Variants in TBC1D16 observed in about 807,000 individuals in gnomAD.
TBC1D16 encodes TBC1 domain family member 16.
A neutral mutation model predicts 74.7 loss-of-function variants in TBC1D16; 58 were observed. The ratio of observed to expected loss-of-function variants is 0.78; its 90% CI spans 0.63 to 0.97. The LOEUF (loss-of-function observed/expected upper bound fraction) is 0.97, where lower values mean the gene tolerates loss of function less well. TBC1D16 is among the 50% of genes least tolerant of loss of function. The probability of loss-of-function intolerance (pLI) is 0.00; values close to 1 mark genes in which losing one functional copy is unlikely to be tolerated. For synonymous variants in TBC1D16, 493 were observed against 474.7 expected (o/e 1.04, Z -0.50); for missense variants, 1,014 against 1,079.5 (o/e 0.94, Z 0.85).
intron 3 of TBC1D16, among the ~76,000 whole-genome samples, chr17:79,977,664 G>A (rs980590594): frequency 2.0e-5 from 3 of 152,256 alleles, no homozygotes; most frequent in African/African-American, 7.2e-5. Flanking sequence ...TTTCTAAAAT[G>A]CACAGTAAGC....
chr17:80,034,908 C>T (rs2036906389), intron 1 of TBC1D16, among the ~76,000 whole-genome samples: 1 of 152,192 alleles, frequency 6.6e-6, no homozygotes, highest in Admixed American at 6.5e-5. Context: ...AATTAGGAGC[C>T]TTCTGGTAGA....
In TBC1D16 at chr17:79,983,716, C is replaced by A. The variant is rs2034690891; in HGVS notation, c.779+26444G>T. Among the ~76,000 whole-genome samples, 1 of 152,166 alleles carries A rather than the reference C, an allele frequency of 6.6e-6. No individual in the cohort carries two copies. Among genetic ancestry groups the A allele is most frequent in the Non-Finnish European group, 1.5e-5 (1 of 68,004 alleles). ...GAGACCGGGGCACGGAACGACCAGA[C>A]TGGGGAGGAAGGAGTGGAGCACTGG... On this transcript the variant is annotated intron_variant, in intron 3 of 11. Coordinates refer to ENST00000310924, the MANE Select transcript of TBC1D16 (RefSeq NM_019020.4). This position sits in a 1 kb window ranked among gnomAD's most constrained non-coding sequence, Gnocchi z 5.6.
chr17:79,997,714 C>T (rs1171626425), intron 3 of TBC1D16, among the ~76,000 whole-genome samples: 3 of 152,216 alleles, frequency 2.0e-5, no homozygotes, highest in South Asian at 4.1e-4. Flanking sequence ...AATATTGATA[C>T]ATTATCAGTA....
At chr17:80,029,960 T>C (rs2036718388) in intron 1 of TBC1D16, among the ~76,000 whole-genome samples, 1 of 152,088 alleles carries the variant, frequency 6.6e-6, no homozygotes, top group African/African-American at 2.4e-5. Flanking sequence ...CCTTCCTGCA[T>C]CTTCAAGGCC....
At position 79,980,366 on chromosome 17, in the gene TBC1D16, T is replaced by C. The variant is rs2034529335; in HGVS notation, c.780-27548A>G. Among the ~76,000 whole-genome samples the C allele has an allele frequency of 2.0e-5, 3 of 152,192 alleles. No individual in the cohort carries two copies. On this transcript the variant is annotated intron_variant, in intron 3 of 11. Transcript: ENST00000310924. The surrounding 1 kb of genome is among the most constrained non-coding windows in gnomAD (Gnocchi z 7.0). ...CCATGTAGGGTCAGCAAATTCCGCC[T>C]AACAAGCCGGAGCTTTCCTTCCTTC... is the stretch of plus-strand genomic sequence containing the variant.
rs1391840714 is a variant in TBC1D16 at position 79,990,626 on chromosome 17, G to A, written c.779+19534C>T. Among the ~76,000 whole-genome samples, 6 of 152,152 alleles carry A rather than the reference G, an allele frequency of 3.9e-5. No homozygotes were observed. The highest frequency in any genetic ancestry group is 3.8e-4 in the East Asian group (2 of 5,198). ...TAACATAAAATTCACCACCTTAACCGTTTTCAACGTCGAGCCCAGTGGCAT... is the reference window on the plus strand; with the variant it reads ...TAACATAAAATTCACCACCTTAACCATTTTCAACGTCGAGCCCAGTGGCAT... On this transcript the variant is annotated intron_variant, in intron 3 of 11. Transcript: ENST00000310924. This position sits in a 1 kb window ranked among gnomAD's most constrained non-coding sequence, Gnocchi z 4.8.
At position 79,943,316 on chromosome 17, in the gene TBC1D16, C is replaced by T. The variant is rs545338383; in HGVS notation, c.1909-1110G>A. On this transcript the variant is annotated intron_variant, in intron 10 of 11. Coordinates refer to ENST00000310924, the MANE Select transcript of TBC1D16 (RefSeq NM_019020.4). ...CGGAGGGGTTGCAGGAAGGTGGACG[C>T]CCAGCTTCTCTGGGAGAGGAATGTG... is the stretch of plus-strand genomic sequence containing the variant. Among the ~76,000 whole-genome samples the T allele has an allele frequency of 1.4e-4, 22 of 152,242 alleles. No individual in the cohort carries two copies. The South Asian group carries it at 4.1e-3, about 29-fold the overall frequency.
intron 1 of TBC1D16, 77 bp from the exon 2 acceptor site, chr17:80,013,686 C>T (rs906536106): frequency 1.1e-6 from 1 of 906,010 alleles, no homozygotes; most frequent in Non-Finnish European, 1.6e-6. Flanking sequence ...GTCGCCTCGG[C>T]ACCCGGTGGG....
chr17:80,020,654 T>C (rs1366359236), intron 1 of TBC1D16, among the ~76,000 whole-genome samples: 4 of 150,046 alleles, frequency 2.7e-5, no homozygotes, highest in Non-Finnish European at 5.9e-5. Context: ...TCAGCCGCCA[T>C]TGCTAGGCAT....
intron 1 of TBC1D16, among the ~76,000 whole-genome samples, chr17:80,027,221 G>A (rs754002721): frequency 1.2e-4 from 19 of 152,304 alleles, no homozygotes; most frequent in Admixed American, 1.0e-3. Flanking sequence ...TAACAGTTTC[G>A]GGAGTCCGAG....
intron 2 of TBC1D16, among the ~76,000 whole-genome samples, chr17:80,011,131 T>C (rs1330073814): frequency 6.6e-6 from 1 of 151,526 alleles, no homozygotes; most frequent in Non-Finnish European, 1.5e-5. Context: ...AACCCCCACC[T>C]CCTAGGCTCA....
intron 3 of TBC1D16, among the ~76,000 whole-genome samples, chr17:79,960,764 C>A (rs1355974703): frequency 2.2e-4 from 4 of 18,258 alleles, no homozygotes; most frequent in Non-Finnish European, 3.4e-4. Context: ...CAAAAAAACC[C>A]AAAAAACAAA....
rs2031424656 is a variant in TBC1D16 at position 79,933,983 on chromosome 17, A to T, written c.*6876T>A. 1 of 152,180 alleles carries T rather than the reference A, an allele frequency of 6.6e-6. No individual in the cohort carries two copies. The highest frequency in any genetic ancestry group is 2.1e-4 in the South Asian group (1 of 4,816). The allele number at this position is 152,180 out of a possible 1,614,324, so 9.4% of individuals were successfully genotyped here. On this transcript the variant is annotated 3_prime_UTR_variant, in exon 12 of 12. Transcript: ENST00000310924. ...CCTCTGGAGCCTGTGCGGCTGGTTG[A>T]GTGTAAACGCTGAGTCATGCTCGCT...
In TBC1D16 at chr17:79,947,860, G is replaced by A. The variant is rs747935584; in HGVS notation, c.1542-29C>T. The A allele has an allele frequency of 2.5e-6, 4 of 1,599,316 alleles. No homozygotes were observed. In the Admixed American group the frequency reaches 5.0e-5, roughly 20 times the overall value. On this transcript the variant is annotated intron_variant, in intron 8 of 11. Transcript: ENST00000310924. ...GGAGGCGGTGGAGACAGCAGTGGGT[G>A]GGGATGACCCTCACCGCGGCACACT...
intron 9 of TBC1D16, among the ~76,000 whole-genome samples, chr17:79,946,802 T>A (rs1249727690): frequency 6.6e-6 from 1 of 152,128 alleles, no homozygotes; most frequent in Non-Finnish European, 1.5e-5. Flanking sequence ...TTAGCGACAC[T>A]CAGGGCCAGA....
rs150266235 is a variant in TBC1D16, at chr17:80,010,598, C to T, written c.341G>A (p.Arg114Gln). 701 of 1,588,608 alleles carry T rather than the reference C, an allele frequency of 4.4e-4. 7 individuals carry two copies. In the East Asian group the frequency reaches 0.014, roughly 32 times the overall value. The change falls in exon 3 of 12, where the codon CGG (arginine) becomes CAG (glutamine). Residue 114 changes from arginine to glutamine, a missense_variant. Physicochemically the swap from Arg to Gln is conservative, Grantham distance 43. Transcript: ENST00000310924. This position sits in a 1 kb window ranked among gnomAD's most constrained non-coding sequence, Gnocchi z 8.8. ...GGAGGCTCCTGAGCTCCGGGTGCGC[C>T]GGCCCCGAGGGCGGGGTGCCTTGCG... ...PVRKAPRPRG[R>Q]RTRSSGASHQ...
chr17:79,941,483 T>C lies in TBC1D16; in HGVS notation c.2056-376A>G, dbSNP rs991399066. Among the ~76,000 whole-genome samples the C allele has an allele frequency of 1.3e-5, 2 of 151,906 alleles. No individual in the cohort carries two copies. Among genetic ancestry groups the C allele is most frequent in the Non-Finnish European group, 2.9e-5 (2 of 67,930 alleles). On this transcript the variant is annotated intron_variant, in intron 11 of 11. Transcript: ENST00000310924. The surrounding 1 kb of genome is among the most constrained non-coding windows in gnomAD (Gnocchi z 4.3). Reference sequence around the variant, plus strand: ...ACCCCTCTCTTCTTCCCCCGCACCTTGCTCCACCCCCCACCCCCAGCAGCC... The same window carrying C: ...ACCCCTCTCTTCTTCCCCCGCACCTCGCTCCACCCCCCACCCCCAGCAGCC...
At chr17:79,949,223 G>A (rs2032828148) in intron 7 of TBC1D16, among the ~76,000 whole-genome samples, 1 of 152,256 alleles carries the variant, frequency 6.6e-6, no homozygotes, top group African/African-American at 2.4e-5. Flanking sequence ...AGTCTCCAGC[G>A]TCCCAGGAAG....
At chr17:79,998,771 T>A (rs2035372287) in intron 3 of TBC1D16, among the ~76,000 whole-genome samples, 1 of 152,104 alleles carries the variant, frequency 6.6e-6, no homozygotes. Context: ...CGTTCGCACA[T>A]CCACCCACCA....
Sources: allele counts gnomAD v4.1 joint callset (sites outside exome capture counted in the v4.1 genomes callset), GRCh38; gene constraint gnomAD v4.1.1; non-coding constraint Gnocchi (gnomAD v3.1); transcripts MANE v1.5; gene names NCBI Gene and HGNC (gene_info 2026-07-23, HGNC 2026-07-21).